OR4Q3: variants seen among roughly 807,000 people sequenced by gnomAD.
The protein encoded by OR4Q3 is olfactory receptor 4Q3.
In OR4Q3, 17 loss-of-function variants were observed where a neutral mutation model predicts 18.8. The ratio of observed to expected loss-of-function variants is 0.91; its 90% CI spans 0.62 to 1.36. OR4Q3 has a LOEUF of 1.36. OR4Q3 is among the 40% of genes most tolerant of loss of function. The pLI is 0.00. For missense variants in OR4Q3, 378 were observed against 373.4 expected (o/e 1.01, Z -0.10); for synonymous variants, 158 against 145.8 (o/e 1.08, Z -0.60).
downstream of OR4Q3, among the ~76,000 whole-genome samples, chr14:19,750,560 A>C: frequency 6.6e-6 from 1 of 152,270 alleles, no homozygotes; most frequent in Non-Finnish European, 1.5e-5. Flanking sequence ...CTGTGAAAAA[A>C]ATGTCTGAAA....
intron 1 of OR4Q3, among the ~76,000 whole-genome samples, chr14:19,746,914 T>C: frequency 1.3e-5 from 2 of 152,312 alleles, no homozygotes; most frequent in South Asian, 4.1e-4. Context: ...TTTAGTTTTT[T>C]TTATGGTGCA....
At chr14:19,750,337 C>T, downstream of OR4Q3, among the ~76,000 whole-genome samples, 2 of 152,140 alleles carry the variant, frequency 1.3e-5, no homozygotes. Flanking sequence ...CTGGAAAATC[C>T]CTAAAAAGGT....
downstream of OR4Q3, among the ~76,000 whole-genome samples, chr14:19,752,331 A>G: frequency 2.0e-5 from 3 of 152,244 alleles, no homozygotes; most frequent in African/African-American, 7.2e-5. Context: ...CAGACAAAAA[A>G]CAAATAGCCT....
chr14:19,751,860 G>T, downstream of OR4Q3, among the ~76,000 whole-genome samples: 3 of 151,948 alleles, frequency 2.0e-5, no homozygotes, highest in Admixed American at 2.0e-4. Flanking sequence ...CTTTTGTATA[G>T]ATTTTTGCAC....
chr14:19,749,929 CT>C, downstream of OR4Q3, among the ~76,000 whole-genome samples: 1 of 136,316 alleles, frequency 7.3e-6, no homozygotes, highest in East Asian at 2.1e-4. Flanking sequence ...TTCTTTCTCT[CT>C]CTCTTTCTTC....
At chr14:19,749,628 A>AAAAAAAAAAAAAAAAAAAAAAAC, downstream of OR4Q3, among the ~76,000 whole-genome samples, 1 of 148,904 alleles carries the variant, frequency 6.7e-6, no homozygotes, top group African/African-American at 2.5e-5. Flanking sequence ...AAAAAAAAAA[A>AAAAAAAAAAAAAAAAAAAAAAAC]AAAAAAGAAA....
chr14:19,752,052 C>T, downstream of OR4Q3, among the ~76,000 whole-genome samples: 1 of 152,268 alleles, frequency 6.6e-6, no homozygotes, highest in South Asian at 2.1e-4. Flanking sequence ...AATATAAGAC[C>T]ACAAACTATG....
chr14:19,748,572 A>G, exon 2 of OR4Q3: 12 of 538,290 alleles, frequency 2.2e-5, no homozygotes, highest in African/African-American at 2.1e-4. Flanking sequence ...ACCATAATCA[A>G]GAGAACTCAG....
chr14:19,748,490 A>T, exon 2 of OR4Q3: 4 of 745,038 alleles, frequency 5.4e-6, no homozygotes, highest in Non-Finnish European at 2.1e-6. Context: ...TAGCATAAAG[A>T]TTATAATGGA....
downstream of OR4Q3, among the ~76,000 whole-genome samples, chr14:19,749,866 CTTTCTTTCTTT>C: frequency 0.19 from 8,687 of 44,720 alleles, 3 homozygotes; most frequent in Middle Eastern, 0.36. Context: ...TTCTTTCTTT[CTTTCTTTCTTT>C]CTTTCTTTCT....
At chr14:19,745,551 CT>C in intron 1 of OR4Q3, among the ~76,000 whole-genome samples, 2 of 152,144 alleles carry the variant, frequency 1.3e-5, no homozygotes, top group African/African-American at 2.4e-5. Context: ...TTCTAGAAAC[CT>C]TTTTTAATTA....
At chr14:19,747,706 C>T in exon 2 of OR4Q3, 2 of 1,613,966 alleles carry the variant, frequency 1.2e-6, no homozygotes, top group Non-Finnish European at 1.7e-6. Context: ...GCAAGAGCAT[C>T]TCTTTTTCAG....
At chr14:19,748,424 A>G in exon 2 of OR4Q3, 3 of 1,363,560 alleles carry the variant, frequency 2.2e-6, no homozygotes, top group Non-Finnish European at 3.0e-6. Context: ...AAGACTCTTA[A>G]CTCATCTTGT....
chr14:19,751,925 T>G, downstream of OR4Q3, among the ~76,000 whole-genome samples: 1 of 152,258 alleles, frequency 6.6e-6, no homozygotes, highest in African/African-American at 2.4e-5. Context: ...TTCTGCTAGC[T>G]CTGGAGTTGG....
chr14:19,745,802 C>G, intron 1 of OR4Q3, among the ~76,000 whole-genome samples: 1 of 152,198 alleles, frequency 6.6e-6, no homozygotes, highest in African/African-American at 2.4e-5. Flanking sequence ...AACAGCAAAT[C>G]GTTCCCTAAC....
At position 19,748,067 on chromosome 14, in the gene OR4Q3, G is replaced by A; in HGVS notation, c.664G>A (p.Val222Ile). 6.2e-7 allele frequency: 1 copy of A among 1,614,026 alleles called. No individual in the cohort carries two copies. The highest frequency in any genetic ancestry group is 8.5e-7 in the Non-Finnish European group (1 of 1,179,976). ...TCTGCTGTCTCTTGTCTGCTTCTTG[G>A]TCTTACTATTCTCTTATGCTATCAT... Residue 222 changes from valine (V) to isoleucine (I), a missense_variant, in exon 2 of 2, where the codon GTC (valine) becomes ATC (isoleucine). Transcript: ENST00000642117.
intron 1 of OR4Q3, among the ~76,000 whole-genome samples, chr14:19,746,312 T>C: frequency 2.0e-5 from 3 of 152,208 alleles, no homozygotes; most frequent in African/African-American, 7.2e-5. Context: ...CAATGTTCTC[T>C]GATTTTCTGT....
intron 1 of OR4Q3, among the ~76,000 whole-genome samples, chr14:19,746,638 G>T: frequency 2.0e-5 from 3 of 152,084 alleles, no homozygotes; most frequent in African/African-American, 7.2e-5. Context: ...TGAGACTATT[G>T]CTTCTTACCT....
chr14:19,744,912 A>G, intron 1 of OR4Q3, among the ~76,000 whole-genome samples: 3 of 152,184 alleles, frequency 2.0e-5, no homozygotes, highest in Non-Finnish European at 2.9e-5. Context: ...TATTGTGATC[A>G]GACTTCAGAA....
Sources: allele counts gnomAD v4.1 joint callset (sites outside exome capture counted in the v4.1 genomes callset), GRCh38; gene constraint gnomAD v4.1.1; transcripts MANE v1.5; gene names NCBI Gene and HGNC (gene_info 2026-07-23, HGNC 2026-07-21).